TMEM92: variants seen among roughly 807,000 people sequenced by gnomAD.
The protein encoded by TMEM92 is transmembrane protein 92.
A neutral mutation model predicts 14.6 loss-of-function variants in TMEM92; 15 were observed. The ratio of observed to expected loss-of-function variants is 1.03; its 90% CI spans 0.69 to 1.58. TMEM92 has a LOEUF of 1.58. TMEM92 is among the 40% of genes most tolerant of loss of function. The pLI is 0.00. For missense variants in TMEM92, 174 were observed against 202.4 expected (o/e 0.86, Z 0.85); for synonymous variants, 85 against 83.3 (o/e 1.02, Z -0.11).
At chr17:50,275,186 A>G (rs1312479441) in intron 1 of TMEM92, 1 of 153,736 alleles carries the variant, frequency 6.5e-6, no homozygotes, top group Non-Finnish European at 1.5e-5. Context: ...TAAACTCTAC[A>G]GGTGATGGGG....
chr17:50,279,212 C>T lies in TMEM92; in HGVS notation c.384C>T (p.Ser128=). 1.2e-6 allele frequency: 2 copies of T among 1,614,002 alleles called. No individual in the cohort carries two copies. Among genetic ancestry groups the T allele is most frequent in the Non-Finnish European group, 8.5e-7 (1 of 1,179,910 alleles). ...PPYSEVILKP[S]LGPTPTEPPP... ...CCCTGCAGGTGATTCTGAAGCCCAGCCTGGGCCCAACTCCCACAGAGCCAC... is the reference window on the plus strand; with the variant it reads ...CCCTGCAGGTGATTCTGAAGCCCAGTCTGGGCCCAACTCCCACAGAGCCAC... Residue 128 remains serine, a synonymous_variant, in exon 5 of 5, where the codon AGC becomes AGT. Coordinates refer to ENST00000507382, the MANE Select transcript of TMEM92 (RefSeq NM_153229.3).
At position 50,278,414 on chromosome 17, in the gene TMEM92, C is replaced by T. The variant is rs112755599; in HGVS notation, c.96-142C>T. ...CAGAGTCCTCCTACTGAGCTCAGAGCGGGGGCCATACCCCCCACCCCACTA... is the reference window on the plus strand; with the variant it reads ...CAGAGTCCTCCTACTGAGCTCAGAGTGGGGGCCATACCCCCCACCCCACTA... On this transcript the variant is annotated intron_variant, in intron 2 of 4. Transcript: ENST00000507382. 1,779 of 836,756 alleles carry T rather than the reference C, an allele frequency of 2.1e-3. 23 individuals are homozygous for T. The African/African-American group carries it at 0.027, about 13-fold the overall frequency. 51.8% of individuals were successfully genotyped at this position (836,756 alleles called of 1,614,324 possible). A position where few individuals can be genotyped will look rare whatever the true frequency, so the allele number is the denominator to read the frequency against.
At chr17:50,273,361 T>C (rs1359584108), upstream of TMEM92, among the ~76,000 whole-genome samples, 2 of 151,994 alleles carry the variant, frequency 1.3e-5, no homozygotes, top group African/African-American at 2.4e-5. Context: ...GCGCCTGGAG[T>C]GCTGGAGGCG....
rs1369091515 is a variant in TMEM92, at chr17:50,279,199, T to C, written c.371T>C (p.Ile124Thr). The change falls in exon 5 of 5, where the codon ATT (isoleucine) becomes ACT (threonine). Residue 124 changes from isoleucine (I) to threonine (T), a missense_variant. Coordinates refer to ENST00000507382, the MANE Select transcript of TMEM92 (RefSeq NM_153229.3). The stretch of plus-strand genomic sequence containing the variant: ...AATTCTCTCTTTTCCCTGCAGGTGA[T>C]TCTGAAGCCCAGCCTGGGCCCAACT... ...SAPPPPYSEVILKPSLGPTPT... is the reference protein window; with the variant it reads ...SAPPPPYSEVTLKPSLGPTPT... 1.9e-6 allele frequency: 3 copies of C among 1,613,880 alleles called. No individual in the cohort carries two copies. Among genetic ancestry groups the C allele is most frequent in the South Asian group, 2.2e-5 (2 of 91,086 alleles).
rs1282010038 is a variant in TMEM92, at chr17:50,279,558, T to C, written c.*250T>C. On this transcript the variant is annotated 3_prime_UTR_variant, in exon 5 of 5. Coordinates refer to ENST00000507382, the MANE Select transcript of TMEM92 (RefSeq NM_153229.3). ...AAGAAAGAGGCTGCCGGAAAGAAAATGCTGACCATTGGAGGTGCCCAACAG... is the reference window on the plus strand; with the variant it reads ...AAGAAAGAGGCTGCCGGAAAGAAAACGCTGACCATTGGAGGTGCCCAACAG... 5 of 458,918 alleles carry C rather than the reference T, an allele frequency of 1.1e-5. No individual in the cohort carries two copies. Among genetic ancestry groups the C allele is most frequent in the African/African-American group, 1.0e-4 (5 of 49,286 alleles). 28.4% of individuals were successfully genotyped at this position (458,918 alleles called of 1,614,324 possible). A position where few individuals can be genotyped will look rare whatever the true frequency, so the allele number is the denominator to read the frequency against.
At chr17:50,279,050 A>G in intron 4 of TMEM92, 54 bp downstream of exon 4, 1 of 1,436,632 alleles carries the variant, frequency 7.0e-7, no homozygotes, top group South Asian at 1.2e-5. Flanking sequence ...TGCAGCAGAG[A>G]CAGTGGAGGG....
At position 50,278,954 on chromosome 17, in the gene TMEM92, G is replaced by C; in HGVS notation, c.324G>C (p.Arg108Ser). 6.2e-7 allele frequency: 1 copy of C among 1,612,860 alleles called. No individual in the cohort carries two copies. Reference sequence around the variant, plus strand: ...TGCCCTCCATCATCCCCCCAGAGAGGGTCAGAGTATCCCTTTCTGCGCCCC... The same window carrying C: ...TGCCCTCCATCATCCCCCCAGAGAGCGTCAGAGTATCCCTTTCTGCGCCCC... The part of the protein sequence containing the change: ...LELPSIIPPE[R>S]VRVSLSAPPP... Residue 108 changes from arginine to serine, a missense_variant, in exon 4 of 5, where the codon AGG becomes AGC. Physicochemically the swap from Arg to Ser is moderately radical, Grantham distance 110. Coordinates refer to ENST00000507382, the MANE Select transcript of TMEM92 (RefSeq NM_153229.3).
chr17:50,277,877 C>T (rs1004581031), intron 2 of TMEM92, 137 bp downstream of exon 2: 4 of 1,131,720 alleles, frequency 3.5e-6, no homozygotes, highest in Admixed American at 2.1e-5. Context: ...AACTGTCCCC[C>T]CACTTTCCCA....
chr17:50,274,632 C>T, intron 1 of TMEM92, 62 bp downstream of exon 1: 1 of 1,441,966 alleles, frequency 6.9e-7, no homozygotes, highest in Non-Finnish European at 9.5e-7. Context: ...CAGGAGCCTG[C>T]TTCTGGAGCC....
chr17:50,277,813 G>T (rs771726948), intron 2 of TMEM92, 73 bp downstream of exon 2: 89 of 1,581,880 alleles, frequency 5.6e-5, no homozygotes, highest in Non-Finnish European at 7.1e-5. Flanking sequence ...TGCATGCCTT[G>T]GGGGGTGTGG....
chr17:50,278,467 G>T lies in TMEM92; in HGVS notation c.96-89G>T, dbSNP rs930223956. 3.5e-6 allele frequency: 5 copies of T among 1,448,938 alleles called. No individual in the cohort carries two copies. The African/African-American group carries it at 7.0e-5, about 20-fold the overall frequency. The allele number at this position is 1,448,938 out of a possible 1,614,324, so 89.8% of individuals were successfully genotyped here. On this transcript the variant is annotated intron_variant, in intron 2 of 4. Transcript: ENST00000507382. ...GGGTGGCTTGTGCCATGAGCATCTT[G>T]GGTGTATTTTGGGGAGGCTGGGATC...
At chr17:50,278,712 G>C in intron 3 of TMEM92, 82 bp downstream of exon 3, 2 of 1,576,610 alleles carry the variant, frequency 1.3e-6, no homozygotes, top group Admixed American at 1.9e-5. Flanking sequence ...CCTGCCGAGG[G>C]GGCAGTGTGG....
At chr17:50,274,461 G>A (rs1038319205), upstream of TMEM92, 5 of 1,608,828 alleles carry the variant, frequency 3.1e-6, no homozygotes, top group South Asian at 2.2e-5. Flanking sequence ...TCGCAGCCCC[G>A]CCTTCTCTAC....
At chr17:50,274,290 A>T (rs866661774), upstream of TMEM92, 69 of 577,466 alleles carry the variant, frequency 1.2e-4, 1 homozygote, top group Middle Eastern at 3.2e-3. Context: ...AAATCCGTTA[A>T]TCTCTTCTAC....
At chr17:50,273,722 C>A (rs183423434), upstream of TMEM92, among the ~76,000 whole-genome samples, 1 of 152,266 alleles carries the variant, frequency 6.6e-6, no homozygotes, top group East Asian at 1.9e-4. Flanking sequence ...GGGGTGATAT[C>A]CCCCAACCAT....
Position 50,280,580 on chromosome 17 carries a change from A to G in TMEM92, c.*1272A>G, listed in dbSNP as rs2586461. On this transcript the variant is annotated 3_prime_UTR_variant, in exon 5 of 5. Transcript: ENST00000507382. Reference sequence around the variant, plus strand: ...TGCCAGCCTCCTTCTCCAGGCAGAGAGCCCCATGTCAATGCTGGCCAAAGC... The same window carrying G: ...TGCCAGCCTCCTTCTCCAGGCAGAGGGCCCCATGTCAATGCTGGCCAAAGC... The G allele has an allele frequency of 0.56, 85,975 of 152,338 alleles. 25,076 individuals are homozygous for G. Among genetic ancestry groups the G allele is most frequent in the African/African-American group, 0.69 (28,723 of 41,426 alleles). 9.4% of individuals were successfully genotyped at this position (152,338 alleles called of 1,614,324 possible). A position where few individuals can be genotyped will look rare whatever the true frequency, so the allele number is the denominator to read the frequency against.
In TMEM92 at chr17:50,278,619, T is replaced by G; in HGVS notation, c.159T>G (p.Pro53=). ...GCTGCCAGGAGAACGAGCTCTTCCC[T>G]GGCCCCGTGAGGTGAGCCCAGGGCC... The part of the protein sequence containing the change: ...DSCCQENELF[P]GPVRIFVIIF... Residue 53 remains proline, a synonymous_variant, in exon 3 of 5, where the codon CCT becomes CCG. Transcript: ENST00000507382. 1 of 1,613,898 alleles carries G rather than the reference T, an allele frequency of 6.2e-7. No homozygotes were observed. The highest frequency in any genetic ancestry group is 8.5e-7 in the Non-Finnish European group (1 of 1,179,952).
chr17:50,278,885 G>A lies in TMEM92; in HGVS notation c.255G>A (p.Glu85=), dbSNP rs543922388. 40 of 1,613,848 alleles carry A rather than the reference G, an allele frequency of 2.5e-5. 1 individual carries two copies. The South Asian group carries it at 3.1e-4, about 12-fold the overall frequency. The change falls in exon 4 of 5, where the codon GAG becomes GAA. Residue 85 remains glutamate, a synonymous_variant. Transcript: ENST00000507382. ...AGTGCTTCTGTCGCAACTGCAGAGAGCCGGAGCCAGACAGCCCAGTGGATT... is the reference window on the plus strand; with the variant it reads ...AGTGCTTCTGTCGCAACTGCAGAGAACCGGAGCCAGACAGCCCAGTGGATT... The part of the protein sequence containing the change: ...LAKCFCRNCR[E]PEPDSPVDCR...
In TMEM92 at chr17:50,279,522, C is replaced by T. The variant is rs570501537; in HGVS notation, c.*214C>T. ...AGGCTGGAGTGACAGTTTCCGCCCACCCCCCAGCCCAAGAAAGAGGCTGCC... is the reference window on the plus strand; with the variant it reads ...AGGCTGGAGTGACAGTTTCCGCCCATCCCCCAGCCCAAGAAAGAGGCTGCC... On this transcript the variant is annotated 3_prime_UTR_variant, in exon 5 of 5. Coordinates refer to ENST00000507382, the MANE Select transcript of TMEM92 (RefSeq NM_153229.3). 5.9e-6 allele frequency: 3 copies of T among 510,592 alleles called. No individual in the cohort carries two copies. Among genetic ancestry groups the T allele is most frequent in the East Asian group, 3.8e-5 (1 of 26,618 alleles). The allele number at this position is 510,592 out of a possible 1,614,324, so 31.6% of individuals were successfully genotyped here.
Sources: allele counts gnomAD v4.1 joint callset (sites outside exome capture counted in the v4.1 genomes callset), GRCh38; gene constraint gnomAD v4.1.1; transcripts MANE v1.5; gene names NCBI Gene and HGNC (gene_info 2026-07-23, HGNC 2026-07-21).